The following SLC16A14 variants were observed in gnomAD, a reference collection of about 807,000 sequenced individuals.
The protein encoded by SLC16A14 is monocarboxylate transporter 14.
Under a neutral mutation model 35.8 loss-of-function variants are expected in SLC16A14, and 14 were observed. That is an observed-to-expected ratio of 0.39 (90% confidence interval 0.26 to 0.61). SLC16A14 has a LOEUF of 0.61. Among genes scored for constraint, SLC16A14 ranks in the 20% least tolerant of loss-of-function variants. The probability of loss-of-function intolerance (pLI) is 0.51; values close to 1 mark genes in which losing one functional copy is unlikely to be tolerated. For synonymous variants in SLC16A14, 248 were observed against 258.9 expected (o/e 0.96, Z 0.40); for missense variants, 533 against 655.0 (o/e 0.81, Z 2.03).
chr2:230,036,344 G>C lies in SLC16A14; in HGVS notation c.*1036C>G, dbSNP rs537085658. ...GTCTATATAACAACACGAGAGTCTA[G>C]AGATGGGCTATTTGTTATCACTACT... is the stretch of plus-strand genomic sequence containing the variant. On this transcript the variant is annotated 3_prime_UTR_variant, in exon 5 of 5. Coordinates refer to ENST00000295190, the MANE Select transcript of SLC16A14 (RefSeq NM_152527.5). The C allele has an allele frequency of 3.7e-4, 57 of 152,288 alleles. No homozygotes were observed. Among genetic ancestry groups the C allele is most frequent in the Admixed American group, 5.9e-4 (9 of 15,296 alleles). 9.4% of individuals were successfully genotyped at this position (152,288 alleles called of 1,614,324 possible).
At chr2:230,049,724 C>T (rs2077642001) in intron 3 of SLC16A14, 37 bp downstream of exon 3, 3 of 1,601,080 alleles carry the variant, frequency 1.9e-6, no homozygotes, top group East Asian at 4.5e-5. Flanking sequence ...TCTTATAAAA[C>T]ATTTAAAATC....
chr2:230,049,860 T>A lies in SLC16A14; in HGVS notation c.304A>T (p.Thr102Ser). 4 of 1,614,120 alleles carry A rather than the reference T, an allele frequency of 2.5e-6. No individual in the cohort carries two copies. The highest frequency in any genetic ancestry group is 3.4e-6 in the Non-Finnish European group (4 of 1,180,004). ...TTGACGAGCCCTCCAATGATCGCAG[T>A]CTGGCGGCACCCACAGGTGTTAATG... Reference protein sequence around the residue: ...LFINTCGCRQTAIIGGLVNSL... With the variant: ...LFINTCGCRQSAIIGGLVNSL... The change falls in exon 3 of 5, where the codon ACT (threonine) becomes TCT (serine). Residue 102 changes from threonine to serine, a missense_variant. Thr to Ser is a moderately conservative substitution (Grantham distance 58). Coordinates refer to ENST00000295190, the MANE Select transcript of SLC16A14 (RefSeq NM_152527.5).
At position 230,037,261 on chromosome 2, in the gene SLC16A14, A is replaced by G. The variant is rs1176014720; in HGVS notation, c.*119T>C. ...GAGGCTGTGACAATGGCATTTACAA[A>G]TGACAGTGCCAGTTACCGTACAAAA... On this transcript the variant is annotated 3_prime_UTR_variant, in exon 5 of 5. Transcript: ENST00000295190. The G allele has an allele frequency of 2.3e-6, 2 of 869,784 alleles. No individual in the cohort carries two copies. The highest frequency in any genetic ancestry group is 1.7e-5 in the African/African-American group (1 of 57,894). The allele number at this position is 869,784 out of a possible 1,614,324, so 53.9% of individuals were successfully genotyped here. A position where few individuals can be genotyped will look rare whatever the true frequency, so the allele number is the denominator to read the frequency against.
rs1194550479 is a variant in SLC16A14 at position 230,068,199 on chromosome 2, C to G, written c.-15+356G>C. The G allele has an allele frequency of 6.6e-6, 1 of 152,406 alleles. No homozygotes were observed. Among genetic ancestry groups the G allele is most frequent in the Non-Finnish European group, 1.5e-5 (1 of 68,178 alleles). 9.4% of individuals were successfully genotyped at this position (152,406 alleles called of 1,614,324 possible). A position where few individuals can be genotyped will look rare whatever the true frequency, so the allele number is the denominator to read the frequency against. ...CCGGGCAGCGAGGCTGGGCTCCGGG[C>G]AGAACGCGCTTCTCCAGCCGGACGG... is the stretch of plus-strand genomic sequence containing the variant. On this transcript the variant is annotated intron_variant, in intron 1 of 4. Coordinates refer to ENST00000295190, the MANE Select transcript of SLC16A14 (RefSeq NM_152527.5). The surrounding 1 kb of genome is among the most constrained non-coding windows in gnomAD (Gnocchi z 5.1).
rs2077824552 is a variant in SLC16A14, at chr2:230,068,655, T to G, written c.-115A>C. The G allele has an allele frequency of 6.6e-6, 1 of 152,452 alleles. No individual in the cohort carries two copies. Among genetic ancestry groups the G allele is most frequent in the Non-Finnish European group, 1.5e-5 (1 of 68,042 alleles). 9.4% of individuals were successfully genotyped at this position (152,452 alleles called of 1,614,324 possible). A position where few individuals can be genotyped will look rare whatever the true frequency, so the allele number is the denominator to read the frequency against. On this transcript the variant is annotated 5_prime_UTR_variant, in exon 1 of 5. Coordinates refer to ENST00000295190, the MANE Select transcript of SLC16A14 (RefSeq NM_152527.5). This position sits in a 1 kb window ranked among gnomAD's most constrained non-coding sequence, Gnocchi z 5.1. ...CCCCTGAGCTGCTGGGTGTAGAGAT[T>G]TGTTGCAATGTCGCCTATCATCCTG...
chr2:230,050,153 T>C lies in SLC16A14; in HGVS notation c.260-249A>G, dbSNP rs776757446. ...AAATAAATAGACATTCATTCTTTCA[T>C]CTACAAGAAAACCAGTGGTCTAGGA... On this transcript the variant is annotated intron_variant, in intron 2 of 4. Transcript: ENST00000295190. Among the ~76,000 whole-genome samples the C allele has an allele frequency of 1.3e-5, 2 of 152,338 alleles. 1 individual carries two copies. The highest frequency in any genetic ancestry group is 4.1e-4 in the South Asian group (2 of 4,828).
chr2:230,048,224 A>C (rs868323420), intron 3 of SLC16A14, among the ~76,000 whole-genome samples: 2 of 152,240 alleles, frequency 1.3e-5, no homozygotes, highest in Non-Finnish European at 2.9e-5. Context: ...CCCATTTTGC[A>C]GGTAAGGAAA....
chr2:230,037,675 C>T (rs62191753), intron 4 of SLC16A14, 144 bp from the exon 5 acceptor site: 1 of 712,568 alleles, frequency 1.4e-6, no homozygotes, highest in African/African-American at 1.8e-5. Context: ...TTCATTTATC[C>T]ATTTCTTTTC....
At position 230,068,036 on chromosome 2, in the gene SLC16A14, G is replaced by C. The variant is rs1369058801; in HGVS notation, c.-15+519C>G. The C allele has an allele frequency of 2.0e-5, 3 of 152,416 alleles. No homozygotes were observed. The highest frequency in any genetic ancestry group is 4.4e-5 in the Non-Finnish European group (3 of 68,196). 9.4% of individuals were successfully genotyped at this position (152,416 alleles called of 1,614,324 possible). ...GTTCGGAAGCCAGCAGCCCACCGGG[G>C]AAGCTGGGCCGGCTGCAGCACCACA... On this transcript the variant is annotated intron_variant, in intron 1 of 4. Transcript: ENST00000295190. The surrounding 1 kb of genome is among the most constrained non-coding windows in gnomAD (Gnocchi z 5.1).
At chr2:230,045,709 A>C in intron 4 of SLC16A14, 36 bp downstream of exon 4, 2 of 1,613,028 alleles carry the variant, frequency 1.2e-6, no homozygotes, top group Non-Finnish European at 1.7e-6. Context: ...CCATATGTAC[A>C]TGCACTCTGA....
At chr2:230,037,680 C>A (rs974066992) in intron 4 of SLC16A14, 149 bp from the exon 5 acceptor site, 12 of 688,954 alleles carry the variant, frequency 1.7e-5, no homozygotes, top group Non-Finnish European at 2.6e-5. Context: ...TTATCCATTT[C>A]TTTTCCTTTT....
chr2:230,048,222 G>T (rs1182280088), intron 3 of SLC16A14, among the ~76,000 whole-genome samples: 1 of 152,118 alleles, frequency 6.6e-6, no homozygotes, highest in Non-Finnish European at 1.5e-5. Flanking sequence ...TACCCATTTT[G>T]CAGGTAAGGA....
intron 4 of SLC16A14, among the ~76,000 whole-genome samples, chr2:230,043,566 G>A (rs1197966676): frequency 6.6e-6 from 1 of 152,202 alleles, no homozygotes; most frequent in Non-Finnish European, 1.5e-5. Flanking sequence ...GGTGCTTGGG[G>A]GTGGCTGGGG....
intron 4 of SLC16A14, among the ~76,000 whole-genome samples, chr2:230,040,549 T>TA (rs199525969): frequency 7.9e-5 from 12 of 152,054 alleles, no homozygotes; most frequent in East Asian, 1.9e-4. Context: ...TATTTTTTTT[T>TA]AAAAACTGTC....
intron 4 of SLC16A14, among the ~76,000 whole-genome samples, chr2:230,039,284 C>A (rs2077541101): frequency 6.6e-6 from 1 of 150,708 alleles, no homozygotes; most frequent in Non-Finnish European, 1.5e-5. Flanking sequence ...AAAAGTAAAC[C>A]AAGTTTTTGA....
intron 4 of SLC16A14, among the ~76,000 whole-genome samples, chr2:230,043,628 C>G (rs2077577362): frequency 6.6e-6 from 1 of 152,222 alleles, no homozygotes; most frequent in Non-Finnish European, 1.5e-5. Context: ...TGAGGCTCTG[C>G]ACAAAACCTC....
chr2:230,047,307 C>CTTTTT (rs56262602), intron 3 of SLC16A14, among the ~76,000 whole-genome samples: 19 of 110,336 alleles, frequency 1.7e-4, no homozygotes, highest in Non-Finnish European at 2.5e-4. Flanking sequence ...TATCTGACTT[C>CTTTTT]TTTTTTTTTT....
At chr2:230,060,412 T>C (rs2077742148) in intron 1 of SLC16A14, among the ~76,000 whole-genome samples, 1 of 152,168 alleles carries the variant, frequency 6.6e-6, no homozygotes, top group Non-Finnish European at 1.5e-5. Context: ...GGTGTGATCA[T>C]AGCTCACTGC....
chr2:230,050,349 C>T (rs947145894), intron 2 of SLC16A14, among the ~76,000 whole-genome samples: 1 of 152,182 alleles, frequency 6.6e-6, no homozygotes, highest in Non-Finnish European at 1.5e-5. Flanking sequence ...TGGCTGAGCC[C>T]GTTTGACTGG....
Sources: allele counts gnomAD v4.1 joint callset (sites outside exome capture counted in the v4.1 genomes callset), GRCh38; gene constraint gnomAD v4.1.1; non-coding constraint Gnocchi (gnomAD v3.1); transcripts MANE v1.5; gene names NCBI Gene and HGNC (gene_info 2026-07-23, HGNC 2026-07-21).